Variants in KCNN2 observed in about 807,000 individuals in gnomAD.
The protein encoded by KCNN2 is potassium calcium-activated channel subfamily N member 2.
In KCNN2, 24 loss-of-function variants were observed where a neutral mutation model predicts 55.5. The observed-to-expected ratio is 0.43, with a 90% confidence interval of 0.31 to 0.61. KCNN2 has a LOEUF of 0.61. Ranked by LOEUF, KCNN2 falls within the 20% of genes least tolerant of loss-of-function variation. The pLI, the probability that KCNN2 is intolerant of heterozygous loss-of-function variation, is 0.08. For missense variants in KCNN2, 754 were observed against 853.6 expected, an observed-to-expected ratio of 0.88 and a Z score of 1.45; for synonymous variants, 431 against 336.1, an observed-to-expected ratio of 1.28 and a Z score of -3.09.
At chr5:114,398,642 A>G (rs1758693258) in intron 2 of KCNN2, among the ~76,000 whole-genome samples, 4 of 152,072 alleles carry the variant, frequency 2.6e-5, no homozygotes, top group African/African-American at 9.7e-5. Flanking sequence ...TTTGGGCAGT[A>G]TGGCCATTTT....
intron 1 of KCNN2, among the ~76,000 whole-genome samples, chr5:114,144,297 A>C (rs1447602856): frequency 6.6e-6 from 1 of 152,174 alleles, no homozygotes; most frequent in East Asian, 1.9e-4. Flanking sequence ...AGTTTGTCTT[A>C]GATCATTAAT....
At chr5:114,164,694 T>C (rs7703215) in intron 1 of KCNN2, among the ~76,000 whole-genome samples, 38,541 of 152,112 alleles carry the variant, frequency 0.25, 5,583 homozygotes, top group Non-Finnish European at 0.33. Flanking sequence ...AGATTGCAAA[T>C]GCGCATTTTG....
intron 3 of KCNN2, among the ~76,000 whole-genome samples, chr5:114,445,703 T>C (rs1448136142): frequency 2.0e-5 from 3 of 152,248 alleles, no homozygotes; most frequent in Non-Finnish European, 2.9e-5. Flanking sequence ...TGCATATCAC[T>C]AAACAATATA....
intron 1 of KCNN2, among the ~76,000 whole-genome samples, chr5:114,170,762 T>C (rs778199293): frequency 5.2e-4 from 79 of 152,020 alleles, no homozygotes; most frequent in Admixed American, 9.2e-4. Context: ...TTTACCTATG[T>C]TTGTATCTCC....
chr5:114,417,820 G>A (rs1759354075), intron 3 of KCNN2, among the ~76,000 whole-genome samples: 1 of 152,054 alleles, frequency 6.6e-6, no homozygotes, highest in Non-Finnish European at 1.5e-5. Flanking sequence ...TAAAAATGGG[G>A]GTACAAAAGC....
At chr5:114,163,530 C>T (rs1752841733) in intron 1 of KCNN2, among the ~76,000 whole-genome samples, 1 of 152,178 alleles carries the variant, frequency 6.6e-6, no homozygotes, top group African/African-American at 2.4e-5. Context: ...GCCTTTTCTG[C>T]ATCTATTGAG....
At chr5:114,278,131 G>T (rs765175351) in intron 2 of KCNN2, among the ~76,000 whole-genome samples, 2 of 152,192 alleles carry the variant, frequency 1.3e-5, no homozygotes, top group Admixed American at 1.3e-4. Flanking sequence ...GGAGTTTGCT[G>T]CAGGTCCACT....
chr5:114,370,372 G>A (rs1757724768), intron 2 of KCNN2, among the ~76,000 whole-genome samples: 2 of 152,100 alleles, frequency 1.3e-5, no homozygotes, highest in Admixed American at 6.5e-5. Context: ...GTCTGCAAAT[G>A]CAATGAGGAA....
At chr5:114,363,865 T>G in intron 1 of KCNN2, 41 bp from the exon 2 acceptor site, 1 of 1,502,412 alleles carries the variant, frequency 6.7e-7, no homozygotes, top group Non-Finnish European at 9.3e-7. Context: ...CGGTTAAAAG[T>G]GCTTCTTTCT....
intron 4 of KCNN2, among the ~76,000 whole-genome samples, chr5:114,469,900 AAAAT>A (rs764032470): frequency 5.3e-5 from 8 of 152,182 alleles, no homozygotes; most frequent in South Asian, 2.1e-4. Flanking sequence ...TTTCTTCACT[AAAAT>A]AAACAGTTAA....
chr5:114,113,999 CATAG>C (rs1751661087), intron 1 of KCNN2, among the ~76,000 whole-genome samples: 2 of 152,070 alleles, frequency 1.3e-5, no homozygotes, highest in African/African-American at 4.8e-5. Flanking sequence ...CCTTCAGTAT[CATAG>C]ATAGTCTGTT....
At chr5:114,099,650 T>G (rs1357946094) in intron 1 of KCNN2, among the ~76,000 whole-genome samples, 1 of 152,120 alleles carries the variant, frequency 6.6e-6, no homozygotes, top group Non-Finnish European at 1.5e-5. Context: ...CTTAGAGTCT[T>G]TTCACTTCAT....
At chr5:114,168,774 A>G (rs1466913323) in intron 1 of KCNN2, among the ~76,000 whole-genome samples, 1 of 152,084 alleles carries the variant, frequency 6.6e-6, no homozygotes, top group Non-Finnish European at 1.5e-5. Flanking sequence ...TTAATGATAT[A>G]TGGCTAGTGG....
chr5:114,283,148 TCTTTC>T (rs1022484015), intron 2 of KCNN2, among the ~76,000 whole-genome samples: 3 of 152,192 alleles, frequency 2.0e-5, no homozygotes, highest in African/African-American at 7.2e-5. Context: ...GCCTCATTTT[TCTTTC>T]CTTTCCTTTC....
At chr5:114,244,047 C>T (rs1304964297) in intron 2 of KCNN2, among the ~76,000 whole-genome samples, 1 of 152,174 alleles carries the variant, frequency 6.6e-6, no homozygotes, top group East Asian at 1.9e-4. Flanking sequence ...ATCTCAGCAA[C>T]TGGTTTACTG....
intron 1 of KCNN2, among the ~76,000 whole-genome samples, chr5:114,183,882 A>G (rs1171117685): frequency 1.3e-5 from 2 of 151,688 alleles, no homozygotes; most frequent in Non-Finnish European, 1.5e-5. Context: ...TCTGTTTTCT[A>G]TCTATTTTGA....
intron 3 of KCNN2, among the ~76,000 whole-genome samples, chr5:114,425,944 C>T (rs531209989): frequency 1.3e-5 from 2 of 151,792 alleles, no homozygotes; most frequent in East Asian, 3.9e-4. Context: ...CTTTGTGAGG[C>T]CGAGGTGGGT....
chr5:114,280,200 G>T (rs544959206), intron 2 of KCNN2, among the ~76,000 whole-genome samples: 1 of 152,134 alleles, frequency 6.6e-6, no homozygotes, highest in Non-Finnish European at 1.5e-5. Context: ...CTGGATATTA[G>T]CCCTTTGTCA....
At chr5:114,251,948 G>T (rs1344385621) in intron 2 of KCNN2, among the ~76,000 whole-genome samples, 2 of 141,908 alleles carry the variant, frequency 1.4e-5, no homozygotes, top group Non-Finnish European at 3.0e-5. Context: ...GTGTGATCTT[G>T]GCTCACTGCA....
Sources: gnomAD v4.1 joint callset for allele counts (sites outside exome capture counted in the v4.1 genomes callset) on GRCh38, gnomAD v4.1.1 for gene constraint, MANE v1.5 for transcripts, NCBI Gene and HGNC (gene_info 2026-07-23, HGNC 2026-07-21) for gene names.